Variants in USP8 observed in about 807,000 individuals in gnomAD.
USP8 encodes the protein ubiquitin carboxyl-terminal hydrolase 8.
A neutral mutation model predicts 130.0 loss-of-function variants in USP8; 27 were observed. That is an observed-to-expected ratio of 0.21 (90% confidence interval 0.15 to 0.29). The LOEUF is 0.29. Among genes scored for constraint, USP8 ranks in the 10% least tolerant of loss-of-function variants. The pLI, the probability that USP8 is intolerant of heterozygous loss-of-function variation, is 1.00. For synonymous variants in USP8, 392 were observed against 444.1 expected, an observed-to-expected ratio of 0.88 and a Z score of 1.48; for missense variants, 1,029 against 1,312.2, an observed-to-expected ratio of 0.78 and a Z score of 3.33.
rs1379215379 is a variant in USP8, at chr15:50,513,435, C to T, written c.*14347C>T. ...AAAAAGTATGCTTGGCGCGGTAGCT[C>T]ACACCTGTAATCCCAGCACTTTGGG... is the stretch of plus-strand genomic sequence containing the variant. On this transcript the variant is annotated 3_prime_UTR_variant, in exon 20 of 20. Coordinates refer to ENST00000307179, the MANE Select transcript of USP8 (RefSeq NM_005154.5). The T allele has an allele frequency of 6.7e-6, 1 of 150,178 alleles. No homozygotes were observed. Among genetic ancestry groups the T allele is most frequent in the Admixed American group, 6.7e-5 (1 of 14,970 alleles). The allele number at this position is 150,178 out of a possible 1,614,324, so 9.3% of individuals were successfully genotyped here. A position where few individuals can be genotyped will look rare whatever the true frequency, so the allele number is the denominator to read the frequency against.
At chr15:50,450,372 T>C (rs2050586399) in intron 4 of USP8, among the ~76,000 whole-genome samples, 1 of 152,078 alleles carries the variant, frequency 6.6e-6, no homozygotes, top group African/African-American at 2.4e-5. Context: ...AAAAAACTGA[T>C]TCTGGTATTT....
chr15:50,486,678 G>A (rs62019112), intron 12 of USP8, among the ~76,000 whole-genome samples: 20,775 of 152,134 alleles, frequency 0.14, 1,924 homozygotes, highest in Middle Eastern at 0.28. Context: ...TTAGATCTAA[G>A]ATTAACTAAA....
In USP8 at chr15:50,439,033, T is replaced by C. The variant is rs766089125; in HGVS notation, c.-41T>C. ...GGAAAGAAGCACTTGTAAGGAAATATAGCATCCATTGTGAAAGTGGAAAAG... is the reference window on the plus strand; with the variant it reads ...GGAAAGAAGCACTTGTAAGGAAATACAGCATCCATTGTGAAAGTGGAAAAG... On this transcript the variant is annotated 5_prime_UTR_variant, in exon 2 of 20. Coordinates refer to ENST00000307179, the MANE Select transcript of USP8 (RefSeq NM_005154.5). The C allele has an allele frequency of 8.1e-6, 11 of 1,363,210 alleles. No homozygotes were observed. Among genetic ancestry groups the C allele is most frequent in the African/African-American group, 2.9e-5 (2 of 69,502 alleles). 84.4% of individuals were successfully genotyped at this position (1,363,210 alleles called of 1,614,324 possible).
Position 50,441,370 on chromosome 15 carries a change from G to C in USP8, c.126G>C (p.Lys42Asn). The C allele has an allele frequency of 2.5e-6, 4 of 1,598,538 alleles. No individual in the cohort carries two copies. The highest frequency in any genetic ancestry group is 3.4e-6 in the Non-Finnish European group (4 of 1,176,628). ...TAAGTTATGTGCACAGTGCCCTGAAGATCTTTAAGACAGCAGAAGAATGCA... is the reference window on the plus strand; with the variant it reads ...TAAGTTATGTGCACAGTGCCCTGAACATCTTTAAGACAGCAGAAGAATGCA... ...STKSYVHSAL[K>N]IFKTAEECRL... The change falls in exon 3 of 20, where the codon AAG (lysine) becomes AAC (asparagine). Residue 42 changes from lysine (K) to asparagine (N), a missense_variant. By Grantham distance (94) the Lys-to-Asn change is moderately conservative. Around this residue, in one of 4 missense-constraint regions of USP8, gnomAD observed 281 missense variants for 336.7 expected, o/e 0.83. Transcript: ENST00000307179.
At chr15:50,484,220 G>C (rs2051872749) in intron 11 of USP8, 55 bp from the exon 12 acceptor site, 4 of 1,419,602 alleles carry the variant, frequency 2.8e-6, no homozygotes, top group African/African-American at 1.5e-5. Flanking sequence ...GTAGCTTTAT[G>C]TTGGGAGGAG....
Position 50,494,350 on chromosome 15 carries a change from C to G in USP8, c.2658+70C>G, listed in dbSNP as rs2052291519. The G allele has an allele frequency of 1.3e-5, 18 of 1,363,322 alleles. No homozygotes were observed. In the South Asian group the frequency reaches 2.5e-4, roughly 19 times the overall value. The allele number at this position is 1,363,322 out of a possible 1,614,324, so 84.5% of individuals were successfully genotyped here. A position where few individuals can be genotyped will look rare whatever the true frequency, so the allele number is the denominator to read the frequency against. On this transcript the variant is annotated intron_variant, in intron 16 of 19. Transcript: ENST00000307179. Reference sequence around the variant, plus strand: ...GCTCAGTAGCACTGTATTTTTATAGCAGTTTAAAATTCTAGTTGGTGATAG... The same window carrying G: ...GCTCAGTAGCACTGTATTTTTATAGGAGTTTAAAATTCTAGTTGGTGATAG...
intron 15 of USP8, chr15:50,493,501 C>G (rs745384823): frequency 1.0e-4 from 53 of 518,414 alleles, no homozygotes; most frequent in South Asian, 1.5e-4. Flanking sequence ...ACTGGTAATC[C>G]TAGCACTTTG....
chr15:50,480,903 G>T (rs992502294), intron 10 of USP8, among the ~76,000 whole-genome samples: 1 of 152,104 alleles, frequency 6.6e-6, no homozygotes, highest in Non-Finnish European at 1.5e-5. Flanking sequence ...CATGGTCTTA[G>T]CCTGTGGTAG....
In USP8 at chr15:50,500,910, C is replaced by A; in HGVS notation, c.*1822C>A. 2 of 1,214,288 alleles carry A rather than the reference C, an allele frequency of 1.6e-6. No homozygotes were observed. Among genetic ancestry groups the A allele is most frequent in the Non-Finnish European group, 2.4e-6 (2 of 845,852 alleles). 75.2% of individuals were successfully genotyped at this position (1,214,288 alleles called of 1,614,324 possible). On this transcript the variant is annotated 3_prime_UTR_variant, in exon 20 of 20. Coordinates refer to ENST00000307179, the MANE Select transcript of USP8 (RefSeq NM_005154.5). Reference sequence around the variant, plus strand: ...ACTACTGGAACAGAAATGATAGGGCCAAGAGATGCTTTTTAAATTGTCCCT... The same window carrying A: ...ACTACTGGAACAGAAATGATAGGGCAAAGAGATGCTTTTTAAATTGTCCCT...
At chr15:50,487,785 G>T (rs1178887945) in intron 12 of USP8, among the ~76,000 whole-genome samples, 1 of 152,172 alleles carries the variant, frequency 6.6e-6, no homozygotes, top group Non-Finnish European at 1.5e-5. Flanking sequence ...CATTAAGAAG[G>T]CTCAATAAAA....
rs1367267716 is a variant in USP8 at position 50,506,846 on chromosome 15, T to C, written c.*7758T>C. The C allele has an allele frequency of 2.7e-5, 4 of 150,302 alleles. No homozygotes were observed. The highest frequency in any genetic ancestry group is 9.9e-5 in the African/African-American group (4 of 40,548). The allele number at this position is 150,302 out of a possible 1,614,324, so 9.3% of individuals were successfully genotyped here. Reference sequence around the variant, plus strand: ...GGTGGCAGGCGCCTATAGTCCCAGCTACTCCGGAGGCTGAGGCAGGAGAAT... The same window carrying C: ...GGTGGCAGGCGCCTATAGTCCCAGCCACTCCGGAGGCTGAGGCAGGAGAAT... On this transcript the variant is annotated 3_prime_UTR_variant, in exon 20 of 20. Coordinates refer to ENST00000307179, the MANE Select transcript of USP8 (RefSeq NM_005154.5).
At chr15:50,448,373 T>C (rs1217536214) in intron 3 of USP8, among the ~76,000 whole-genome samples, 2 of 152,164 alleles carry the variant, frequency 1.3e-5, no homozygotes, top group African/African-American at 4.8e-5. Flanking sequence ...TTTGAAAATA[T>C]CTGATTGTAG....
intron 6 of USP8, 105 bp from the exon 7 acceptor site, chr15:50,464,942 C>T (rs2051134074): frequency 1.7e-6 from 2 of 1,158,458 alleles, no homozygotes; most frequent in Non-Finnish European, 1.2e-6. Context: ...CATATATATT[C>T]AGTATACTTT....
intron 8 of USP8, among the ~76,000 whole-genome samples, chr15:50,472,082 G>A (rs2051396731): frequency 6.6e-6 from 1 of 151,656 alleles, no homozygotes; most frequent in African/African-American, 2.4e-5. Context: ...TGTATTTTTA[G>A]AAGAGAGGGG....
rs182969514 is a variant in USP8 at position 50,463,821 on chromosome 15, A to T, written c.542-1226A>T. Among the ~76,000 whole-genome samples the T allele has an allele frequency of 2.6e-5, 4 of 152,134 alleles. No individual in the cohort carries two copies. In the South Asian group the frequency reaches 6.2e-4, roughly 24 times the overall value. ...TGAAACAGCTTATTATATAATCTCA[A>T]CTCTCTTGTAGTGCCTTTTAATCTT... On this transcript the variant is annotated intron_variant, in intron 6 of 19. Transcript: ENST00000307179.
At position 50,436,437 on chromosome 15, in the gene USP8, C is replaced by G. The variant is rs574076849; in HGVS notation, c.-65-2572C>G. ...TGTAACTCTATAGTTTGATATCATA[C>G]TATGCTGTATTACTACTGCTTAAAA... On this transcript the variant is annotated intron_variant, in intron 1 of 19. Transcript: ENST00000307179. Among the ~76,000 whole-genome samples the G allele has an allele frequency of 1.4e-4, 21 of 152,246 alleles. No homozygotes were observed. In the South Asian group the frequency reaches 4.3e-3, roughly 32 times the overall value.
chr15:50,481,431 T>A (rs1014083600), intron 10 of USP8, 50 bp from the exon 11 acceptor site: 11 of 1,356,264 alleles, frequency 8.1e-6, no homozygotes, highest in Non-Finnish European at 1.1e-5. Context: ...GAACTGAGGT[T>A]ATTTCCTGAT....
intron 3 of USP8, among the ~76,000 whole-genome samples, chr15:50,446,222 CT>C (rs2050437255): frequency 6.6e-6 from 1 of 152,112 alleles, no homozygotes; most frequent in Admixed American, 6.5e-5. Flanking sequence ...TTATCTTTTT[CT>C]TCTGTCAATT....
chr15:50,493,292 G>A (rs1383352076), intron 15 of USP8: 16 of 514,614 alleles, frequency 3.1e-5, no homozygotes, highest in South Asian at 2.3e-4. Flanking sequence ...AATATTTGAC[G>A]TGAATCTGGT....
Sources: gnomAD v4.1 joint callset for allele counts (sites outside exome capture counted in the v4.1 genomes callset) on GRCh38, gnomAD v4.1.1 for gene constraint, gnomAD v4.1.1 regional missense constraint, MANE v1.5 for transcripts, NCBI Gene and HGNC (gene_info 2026-07-23, HGNC 2026-07-21) for gene names.